COL3A1: variants seen among roughly 807,000 people sequenced by gnomAD.
COL3A1 encodes collagen alpha-1(III) chain.
COL3A1 carries 46 observed loss-of-function variants against 200.9 expected under a neutral mutation model. That is an observed-to-expected ratio of 0.23 (90% CI 0.18 to 0.29). The LOEUF is 0.29. COL3A1 is among the 10% of genes least tolerant of loss of function. The pLI, the probability that COL3A1 is intolerant of heterozygous loss-of-function variation, is 1.00. For missense variants in COL3A1, 1,367 were observed against 1,917.6 expected, an observed-to-expected ratio of 0.71 and a Z score of 5.36; for synonymous variants, 650 against 628.0, an observed-to-expected ratio of 1.03 and a Z score of -0.52.
At chr2:189,002,240 T>TG in intron 34 of COL3A1, 58 bp from the exon 35 acceptor site, 1 of 1,343,614 alleles carries the variant, frequency 7.4e-7, no homozygotes, top group Non-Finnish European at 1.1e-6. Flanking sequence ...TGACATTTCC[T>TG]GCCTAAAGGA....
chr2:188,992,738 T>G, intron 14 of COL3A1, 149 bp from the exon 15 acceptor site: 1 of 718,562 alleles, frequency 1.4e-6, no homozygotes. Context: ...TTTACCACAT[T>G]GTTTCTCTAC....
At chr2:189,008,634 C>T (rs1014702074) in intron 47 of COL3A1, 2 of 508,852 alleles carry the variant, frequency 3.9e-6, no homozygotes, top group Non-Finnish European at 7.0e-6. Flanking sequence ...TTGTAGCTCA[C>T]AGGTGTTTGC....
At chr2:188,974,629 G>C in intron 1 of COL3A1, 61 bp downstream of exon 1, 1 of 1,375,922 alleles carries the variant, frequency 7.3e-7, no homozygotes, top group Non-Finnish European at 1.0e-6. Context: ...TCCTCACAAA[G>C]AGGGGTGTAA....
Position 189,012,743 on chromosome 2 carries a change from A to AT in COL3A1, c.*971dup, listed in dbSNP as rs1343877123. 6.6e-6 allele frequency: 1 copy of AT among 152,548 alleles called. No individual in the cohort carries two copies. Among genetic ancestry groups the AT allele is most frequent in the Non-Finnish European group, 1.5e-5 (1 of 67,984 alleles). 9.4% of individuals were successfully genotyped at this position (152,548 alleles called of 1,614,324 possible). A position where few individuals can be genotyped will look rare whatever the true frequency, so the allele number is the denominator to read the frequency against. On this transcript the variant is annotated 3_prime_UTR_variant, in exon 51 of 51. Coordinates refer to ENST00000304636, the MANE Select transcript of COL3A1 (RefSeq NM_000090.4). The stretch of plus-strand genomic sequence containing the variant: ...ACCCATAATAAAATATCATATTAAA[A>AT]TTCTCCTGTTTTTTGTCACTTTTCA...
At chr2:188,987,952 C>A in intron 5 of COL3A1, 129 bp from the exon 6 acceptor site, 6 of 735,466 alleles carry the variant, frequency 8.2e-6, no homozygotes, top group Middle Eastern at 2.4e-4. Flanking sequence ...GAATAGTTAT[C>A]AAAAAGTTAT....
In COL3A1 at chr2:188,990,242, G is replaced by A. The variant is rs974283804; in HGVS notation, c.745-65G>A. ...GGAATTAAACTTAAAAACAGAAAGT[G>A]TTTTACTACTAGATTGTGATTCTAT... On this transcript the variant is annotated intron_variant, in intron 9 of 50. Coordinates refer to ENST00000304636, the MANE Select transcript of COL3A1 (RefSeq NM_000090.4). 5 of 1,580,500 alleles carry A rather than the reference G, an allele frequency of 3.2e-6. No individual in the cohort carries two copies. In the African/African-American group the frequency reaches 6.8e-5, roughly 21 times the overall value.
Position 189,008,914 on chromosome 2 carries a change from C to T in COL3A1, c.3526-10C>T, listed in dbSNP as rs376171095. The T allele has an allele frequency of 3.7e-5, 60 of 1,613,080 alleles. No homozygotes were observed. The highest frequency in any genetic ancestry group is 5.0e-5 in the Non-Finnish European group (59 of 1,179,848). ...GCATACCTCAATGATCCATGTTTTACTCATTCTAGGGCTCCCCAGGCCACC... is the reference window on the plus strand; with the variant it reads ...GCATACCTCAATGATCCATGTTTTATTCATTCTAGGGCTCCCCAGGCCACC... On this transcript the variant is annotated splice_polypyrimidine_tract_variant and intron_variant, in intron 47 of 50. Transcript: ENST00000304636.
chr2:188,975,081 G>A lies in COL3A1; in HGVS notation c.79+513G>A, dbSNP rs73047619. Among the ~76,000 whole-genome samples, 406 of 152,210 alleles carry A rather than the reference G, an allele frequency of 2.7e-3. 2 individuals are homozygous for A. Among genetic ancestry groups the A allele is most frequent in the African/African-American group, 9.2e-3 (383 of 41,542 alleles). Reference sequence around the variant, plus strand: ...ATCATTGAATATATTTCTGTAAAATGGCTACAAGATACCTATAAACATTCT... The same window carrying A: ...ATCATTGAATATATTTCTGTAAAATAGCTACAAGATACCTATAAACATTCT... On this transcript the variant is annotated intron_variant, in intron 1 of 50. Coordinates refer to ENST00000304636, the MANE Select transcript of COL3A1 (RefSeq NM_000090.4).
Position 189,006,932 on chromosome 2 carries a change from C to A in COL3A1, c.3202-5C>A, listed in dbSNP as rs1417576506. 1.9e-6 allele frequency: 3 copies of A among 1,613,154 alleles called. No homozygotes were observed. The East Asian group carries it at 6.7e-5, about 36-fold the overall frequency. On this transcript the variant is annotated splice_polypyrimidine_tract_variant and splice_region_variant and intron_variant, in intron 43 of 50. Coordinates refer to ENST00000304636, the MANE Select transcript of COL3A1 (RefSeq NM_000090.4). Reference sequence around the variant, plus strand: ...TGTCTTCTCAATTGAATGTTTTCATCTTAGGGCCCTGCTGGCCCTGCTGGT... The same window carrying A: ...TGTCTTCTCAATTGAATGTTTTCATATTAGGGCCCTGCTGGCCCTGCTGGT...
chr2:189,010,702 T>C lies in COL3A1; in HGVS notation c.4066T>C (p.Phe1356Leu). ...PEDVLDVHLA[F>L]LRLLSSRASQ... ...AGATGTCCTTGATGTGCATCTGGCA[T>C]TCCTTCGACTTCTCTCCAGCCGAGC... Residue 1356 changes from phenylalanine to leucine, a missense_variant, in exon 50 of 51, where the codon TTC becomes CTC. Physicochemically the swap from Phe to Leu is conservative, Grantham distance 22 (BLOSUM62 0). Around this residue, in one of 5 missense-constraint regions of COL3A1, gnomAD observed 846 missense variants for 1,147.9 expected, o/e 0.74. Transcript: ENST00000304636. 6.2e-7 allele frequency: 1 copy of C among 1,614,128 alleles called. No individual in the cohort carries two copies. Among genetic ancestry groups the C allele is most frequent in the Non-Finnish European group, 8.5e-7 (1 of 1,179,966 alleles).
intron 4 of COL3A1, among the ~76,000 whole-genome samples, chr2:188,986,788 A>G (rs1688073143): frequency 6.6e-6 from 1 of 152,040 alleles, no homozygotes; most frequent in South Asian, 2.1e-4. Context: ...TAGCTTAAGT[A>G]AGCGCATAAT....
rs2153502237 is a variant in COL3A1, at chr2:188,992,940, G to A, written c.1050G>A (p.Lys350=). The A allele has an allele frequency of 6.2e-7, 1 of 1,613,776 alleles. No individual in the cohort carries two copies. Among genetic ancestry groups the A allele is most frequent in the East Asian group, 2.2e-5 (1 of 44,820 alleles). ...GATTCCCTGGATCCCCTGGTGCTAA[G>A]GTAAACATGTGTTTCTATAGAAGGG... ...TAGFPGSPGA[K]GEVGPAGSPG... Residue 350 remains lysine, a splice_region_variant and synonymous_variant, in exon 15 of 51, where the codon AAG becomes AAA. Coordinates refer to ENST00000304636, the MANE Select transcript of COL3A1 (RefSeq NM_000090.4).
Position 189,003,890 on chromosome 2 carries a change from G to C in COL3A1, c.2662-92G>C, listed in dbSNP as rs41263781. On this transcript the variant is annotated intron_variant, in intron 38 of 50. Transcript: ENST00000304636. ...ACATTGCTACTTATTTCTCTAGTAAGTCTCAAATAAAATTATTTGAAGTAA... is the reference window on the plus strand; with the variant it reads ...ACATTGCTACTTATTTCTCTAGTAACTCTCAAATAAAATTATTTGAAGTAA... The C allele has an allele frequency of 3.4e-3, 5,402 of 1,575,660 alleles. 163 individuals carry two copies. In the African/African-American group the frequency reaches 0.066, roughly 19 times the overall value.
Position 189,005,376 on chromosome 2 carries a change from C to G in COL3A1, c.2958C>G (p.Asn986Lys), listed in dbSNP as rs41264441. The G allele has an allele frequency of 6.2e-7, 1 of 1,614,036 alleles. No individual in the cohort carries two copies. Among genetic ancestry groups the G allele is most frequent in the Non-Finnish European group, 8.5e-7 (1 of 1,179,960 alleles). The change falls in exon 41 of 51, where the codon AAC (asparagine) becomes AAG (lysine). Residue 986 changes from asparagine to lysine, a missense_variant. By Grantham distance (94) the Asn-to-Lys change is moderately conservative (BLOSUM62 0). Around this residue, in one of 5 missense-constraint regions of COL3A1, gnomAD observed 846 missense variants for 1,147.9 expected, o/e 0.74. Transcript: ENST00000304636. ...VKGESGKPGA[N>K]GLSGERGPPG... Reference sequence around the variant, plus strand: ...GTGAAAGTGGGAAACCAGGAGCTAACGGTCTCAGTGGAGAACGTGGTCCCC... The same window carrying G: ...GTGAAAGTGGGAAACCAGGAGCTAAGGGTCTCAGTGGAGAACGTGGTCCCC...
intron 47 of COL3A1, 137 bp downstream of exon 47, chr2:189,008,279 A>AGACAT: frequency 1.3e-6 from 1 of 775,082 alleles, no homozygotes. Flanking sequence ...AATGACTTTA[A>AGACAT]GACATTCTCC....
chr2:188,989,915 A>G (rs1364474892), intron 8 of COL3A1, among the ~76,000 whole-genome samples, 181 bp from the exon 9 acceptor site: 3 of 152,154 alleles, frequency 2.0e-5, no homozygotes, highest in Admixed American at 2.0e-4. Flanking sequence ...ATAAGCTTAT[A>G]TCAAAGTGGG....
At position 188,984,870 on chromosome 2, in the gene COL3A1, G is replaced by A; in HGVS notation, c.190G>A (p.Asp64Asn). Residue 64 changes from aspartate to asparagine, a missense_variant, in exon 2 of 51, where the codon GAC (aspartate) becomes AAC (asparagine). Asp to Asn is a conservative substitution (Grantham distance 23). Transcript: ENST00000304636. Reference sequence around the variant, plus strand: ...TGACTCAGGATCCGTTCTCTGCGATGACATAATATGTGACGATCAAGAATT... The same window carrying A: ...TGACTCAGGATCCGTTCTCTGCGATAACATAATATGTGACGATCAAGAATT... The part of the protein sequence containing the change: ...VCDSGSVLCD[D>N]IICDDQELDC... 2 of 1,613,258 alleles carry A rather than the reference G, an allele frequency of 1.2e-6. No individual in the cohort carries two copies. The highest frequency in any genetic ancestry group is 1.7e-6 in the Non-Finnish European group (2 of 1,179,430).
rs1238913645 is a variant in COL3A1, at chr2:188,997,500, CAAT to C, written c.1869+112_1869+114del. The C allele has an allele frequency of 4.7e-6, 6 of 1,284,710 alleles. No homozygotes were observed. The East Asian group carries it at 1.4e-4, about 30-fold the overall frequency. The allele number at this position is 1,284,710 out of a possible 1,614,324, so 79.6% of individuals were successfully genotyped here. On this transcript the variant is annotated intron_variant, in intron 26 of 50. Coordinates refer to ENST00000304636, the MANE Select transcript of COL3A1 (RefSeq NM_000090.4). ...ACCATGTTGTTACAGTTTACCAAAG[CAAT>C]GATGAAACTTGCTGACCTAGTTATC...
chr2:188,999,222 T>C (rs759407062), intron 29 of COL3A1, 63 bp from the exon 30 acceptor site: 34 of 1,435,558 alleles, frequency 2.4e-5, no homozygotes, highest in Non-Finnish European at 3.2e-5. Flanking sequence ...ATGATGCAAG[T>C]TAAGGTGCTT....
Sources: gnomAD v4.1 joint callset for allele counts (sites outside exome capture counted in the v4.1 genomes callset) on GRCh38, gnomAD v4.1.1 for gene constraint, gnomAD v4.1.1 regional missense constraint, MANE v1.5 for transcripts, NCBI Gene and HGNC (gene_info 2026-07-23, HGNC 2026-07-21) for gene names.